PXDNL: variants seen among roughly 807,000 people sequenced by gnomAD.
The protein encoded by PXDNL is peroxidasin like, also known as probable oxidoreductase PXDNL.
PXDNL carries 145 observed loss-of-function variants against 150.8 expected under a neutral mutation model. The observed-to-expected ratio is 0.96, with a 90% CI of 0.84 to 1.10. The LOEUF is 1.10. PXDNL is among the 50% of genes least tolerant of loss of function. The probability of loss-of-function intolerance (pLI) is 0.00; values close to 1 mark genes in which losing one functional copy is unlikely to be tolerated. For missense variants in PXDNL, 2,087 were observed against 1,873.9 expected (o/e 1.11, Z -2.10); for synonymous variants, 757 against 725.7 (o/e 1.04, Z -0.69).
At chr8:51,423,411 A>T (rs973056467) in intron 14 of PXDNL, among the ~76,000 whole-genome samples, 164 bp downstream of exon 14, 4 of 152,068 alleles carry the variant, frequency 2.6e-5, no homozygotes, top group South Asian at 2.1e-4. Context: ...TTATATTTAA[A>T]TTTTTTTATT....
chr8:51,411,608 G>T (rs1398183077), intron 15 of PXDNL, among the ~76,000 whole-genome samples: 1 of 152,108 alleles, frequency 6.6e-6, no homozygotes, highest in East Asian at 1.9e-4. Flanking sequence ...TAGTCCCAGT[G>T]CTGAACTCAA....
At chr8:51,345,407 T>C (rs1246914310) in intron 20 of PXDNL, among the ~76,000 whole-genome samples, 2 of 152,166 alleles carry the variant, frequency 1.3e-5, no homozygotes, top group Non-Finnish European at 2.9e-5. Context: ...TCCATCTTGG[T>C]CACAAATCAA....
At chr8:51,508,662 G>A (rs990779720) in intron 4 of PXDNL, among the ~76,000 whole-genome samples, 8 of 152,096 alleles carry the variant, frequency 5.3e-5, no homozygotes, top group Non-Finnish European at 8.8e-5. Context: ...CCAGTACCAG[G>A]AACATGAGCA....
At chr8:51,433,978 T>A (rs767659767) in intron 12 of PXDNL, among the ~76,000 whole-genome samples, 13 of 152,218 alleles carry the variant, frequency 8.5e-5, no homozygotes, top group Non-Finnish European at 1.8e-4. Context: ...CAGGTTCTTT[T>A]ATTCACTATT....
chr8:51,588,130 C>G (rs1209176926), intron 3 of PXDNL, among the ~76,000 whole-genome samples: 1 of 151,958 alleles, frequency 6.6e-6, no homozygotes, highest in Non-Finnish European at 1.5e-5. Context: ...AGGACATGCC[C>G]AGGGTCAGAG....
In PXDNL at chr8:51,597,685, A is replaced by G. The variant is rs1383112915; in HGVS notation, c.237-4987T>C. On this transcript the variant is annotated intron_variant, in intron 2 of 22. Coordinates refer to ENST00000356297, the MANE Select transcript of PXDNL (RefSeq NM_144651.5). ...TGTGTGTGTGTGTTTATGTGTGTGT[A>G]TGTGTCTACTGTAAATAGGATTGCA... Among the ~76,000 whole-genome samples, 4 of 146,806 alleles carry G rather than the reference A, an allele frequency of 2.7e-5. No homozygotes were observed. The East Asian group carries it at 6.0e-4, about 22-fold the overall frequency.
intron 2 of PXDNL, among the ~76,000 whole-genome samples, chr8:51,601,922 G>A (rs1813731107): frequency 6.6e-6 from 1 of 151,874 alleles, no homozygotes; most frequent in African/African-American, 2.4e-5. Context: ...GTCTAGTGGT[G>A]ACAAGTTCCC....
Position 51,371,899 on chromosome 8 carries a change from A to G in PXDNL, c.3875T>C (p.Leu1292Pro). 1 of 1,613,944 alleles carries G rather than the reference A, an allele frequency of 6.2e-7. No homozygotes were observed. Among genetic ancestry groups the G allele is most frequent in the Non-Finnish European group, 8.5e-7 (1 of 1,179,860 alleles). The change falls in exon 19 of 23, where the codon CTG becomes CCG. Residue 1292 changes from leucine to proline, a missense_variant. Transcript: ENST00000356297. The stretch of plus-strand genomic sequence containing the variant: ...TGCACAGCAGTCTTGCCACACTCGC[A>G]GGTCCACCTTCGGGATCTCGCTGCA... ...LNCSEIPKVDLRVWQDCCADC... is the reference protein window; with the variant it reads ...LNCSEIPKVDPRVWQDCCADC...
At chr8:51,799,107 A>G (rs2037592230) in intron 1 of PXDNL, among the ~76,000 whole-genome samples, 1 of 152,196 alleles carries the variant, frequency 6.6e-6, no homozygotes, top group Non-Finnish European at 1.5e-5. Context: ...TGGAGCTGGA[A>G]GCCATTATCC....
chr8:51,468,295 T>C (rs539437586), intron 8 of PXDNL, among the ~76,000 whole-genome samples: 1 of 152,124 alleles, frequency 6.6e-6, no homozygotes, highest in Non-Finnish European at 1.5e-5. Context: ...TCTTGTTTTA[T>C]TCTTCATCAG....
chr8:51,685,577 C>T (rs958619435), intron 1 of PXDNL, among the ~76,000 whole-genome samples: 4 of 152,194 alleles, frequency 2.6e-5, no homozygotes, highest in Non-Finnish European at 5.9e-5. Flanking sequence ...TCATTTTCTC[C>T]ACTCTGAATT....
chr8:51,420,517 G>C (rs1481158568), intron 14 of PXDNL, among the ~76,000 whole-genome samples: 1 of 151,722 alleles, frequency 6.6e-6, no homozygotes, highest in Admixed American at 6.6e-5. Context: ...CCCTCATATT[G>C]ACATATAAAT....
intron 2 of PXDNL, among the ~76,000 whole-genome samples, chr8:51,652,129 G>T (rs1291837921): frequency 6.6e-6 from 1 of 152,018 alleles, no homozygotes; most frequent in African/African-American, 2.4e-5. Flanking sequence ...GCAACCCAAG[G>T]AAATAGAATC....
intron 1 of PXDNL, among the ~76,000 whole-genome samples, chr8:51,725,507 G>C (rs1190922992): frequency 6.6e-6 from 1 of 152,114 alleles, no homozygotes; most frequent in Non-Finnish European, 1.5e-5. Flanking sequence ...TTCCAGAATA[G>C]AAGGCTTCTA....
intron 17 of PXDNL, among the ~76,000 whole-genome samples, 155 bp from the exon 18 acceptor site, chr8:51,374,886 A>G (rs968351823): frequency 2.0e-5 from 3 of 152,242 alleles, no homozygotes; most frequent in African/African-American, 4.8e-5. Flanking sequence ...GAAAGCACTC[A>G]AATGAAGGAA....
intron 1 of PXDNL, among the ~76,000 whole-genome samples, chr8:51,706,636 A>G (rs998934695): frequency 6.6e-6 from 1 of 152,244 alleles, no homozygotes; most frequent in Non-Finnish European, 1.5e-5. Context: ...TTGAAATAGT[A>G]AAGTTGAGTT....
intron 1 of PXDNL, among the ~76,000 whole-genome samples, chr8:51,678,750 G>A (rs997756909): frequency 6.6e-6 from 1 of 152,084 alleles, no homozygotes; most frequent in Non-Finnish European, 1.5e-5. Flanking sequence ...ATAGCATTGG[G>A]ATATATACCT....
chr8:51,461,670 C>T (rs141872902), intron 8 of PXDNL, among the ~76,000 whole-genome samples: 56 of 152,312 alleles, frequency 3.7e-4, no homozygotes, highest in African/African-American at 1.3e-3. Flanking sequence ...CTGCAAGTCT[C>T]GTGATAAGCT....
chr8:51,565,822 T>C (rs547542447), intron 3 of PXDNL, among the ~76,000 whole-genome samples: 2 of 152,006 alleles, frequency 1.3e-5, no homozygotes, highest in African/African-American at 2.4e-5. Flanking sequence ...ATTATGTATA[T>C]GCAAATACAC....
Sources: allele counts gnomAD v4.1 joint callset (sites outside exome capture counted in the v4.1 genomes callset), GRCh38; gene constraint gnomAD v4.1.1; transcripts MANE v1.5; gene names NCBI Gene and HGNC (gene_info 2026-07-23, HGNC 2026-07-21).